The following EEF1E1 variants were observed in gnomAD, a reference collection of about 807,000 sequenced individuals.
The protein encoded by EEF1E1 is eukaryotic translation elongation factor 1 epsilon 1.
In EEF1E1, 19 loss-of-function variants were observed where a neutral mutation model predicts 19.9. The ratio of observed to expected loss-of-function variants is 0.95; its 90% CI spans 0.66 to 1.40. The LOEUF (loss-of-function observed/expected upper bound fraction) is 1.40. EEF1E1 is among the 40% of genes most tolerant of loss of function. The pLI, the probability that EEF1E1 is intolerant of heterozygous loss-of-function variation, is 0.00. For missense variants in EEF1E1, 198 were observed against 202.2 expected (o/e 0.98, Z 0.13); for synonymous variants, 81 against 80.0 (o/e 1.01, Z -0.07).
At chr6:8,098,270 C>T (rs1359817267) in intron 1 of EEF1E1, among the ~76,000 whole-genome samples, 1 of 152,004 alleles carries the variant, frequency 6.6e-6, no homozygotes, top group Non-Finnish European at 1.5e-5. Context: ...CAGGCACGTG[C>T]CACCACACCC....
intron 3 of EEF1E1, among the ~76,000 whole-genome samples, chr6:8,085,728 C>A (rs942050114): frequency 1.3e-5 from 2 of 152,212 alleles, no homozygotes; most frequent in Non-Finnish European, 2.9e-5. Context: ...TTATCATAAG[C>A]TTTCCAAAAC....
chr6:8,079,600 T>G lies in EEF1E1; in HGVS notation c.*290A>C, dbSNP rs767854455. ...ATTGAAATGACCACCAATTTTAAGA[T>G]TAAGCCCGATTTGCAACTTTTATTG... On this transcript the variant is annotated 3_prime_UTR_variant, in exon 4 of 4. Coordinates refer to ENST00000379715, the MANE Select transcript of EEF1E1 (RefSeq NM_004280.5). The G allele has an allele frequency of 2.0e-5, 21 of 1,068,878 alleles. No individual in the cohort carries two copies. The highest frequency in any genetic ancestry group is 2.3e-5 in the Non-Finnish European group (20 of 881,060). 66.2% of individuals were successfully genotyped at this position (1,068,878 alleles called of 1,614,324 possible).
chr6:8,102,130 C>G, intron 1 of EEF1E1: 1 of 1,306,776 alleles, frequency 7.7e-7, no homozygotes, highest in Non-Finnish European at 9.8e-7. Context: ...CCAGGTTGGT[C>G]TAAGAGCCCT....
chr6:8,095,565 GTTT>G (rs34723432), intron 2 of EEF1E1: 15 of 148,652 alleles, frequency 1.0e-4, no homozygotes, highest in South Asian at 8.3e-4. Context: ...GTAGGTGCCT[GTTT>G]TTTTTTTTTT....
At chr6:8,096,150 T>C (rs1758167833) in intron 2 of EEF1E1, among the ~76,000 whole-genome samples, 1 of 152,256 alleles carries the variant, frequency 6.6e-6, no homozygotes, top group Non-Finnish European at 1.5e-5. Flanking sequence ...CATCTATTAA[T>C]ATAACTTTTG....
chr6:8,076,690 A>ATTAGCCC (rs1168951019), downstream of EEF1E1, among the ~76,000 whole-genome samples: 6 of 152,208 alleles, frequency 3.9e-5, no homozygotes, highest in Non-Finnish European at 7.3e-5. Flanking sequence ...TGGGCTGTAG[A>ATTAGCCC]ATGAATGTTG....
intron 2 of EEF1E1, chr6:8,095,459 C>T (rs762276334): frequency 2.7e-5 from 9 of 333,594 alleles, no homozygotes; most frequent in East Asian, 1.2e-4. Flanking sequence ...GCCAAGATTA[C>T]GCCATTGCAT....
chr6:8,095,620 T>C (rs1472840034), intron 2 of EEF1E1: 1 of 153,618 alleles, frequency 6.5e-6, no homozygotes, highest in Non-Finnish European at 1.4e-5. Context: ...AAAAAAGGCA[T>C]AGAAAAAACA....
At position 8,083,332 on chromosome 6, in the gene EEF1E1, C is replaced by T. The variant is rs541823849; in HGVS notation, c.385-3302G>A. 2.5e-4 allele frequency among the ~76,000 whole-genome samples: 38 copies of T among 152,284 alleles called. No individual in the cohort carries two copies. In the South Asian group the frequency reaches 7.5e-3, roughly 30 times the overall value. The stretch of plus-strand genomic sequence containing the variant: ...TTTTGCAGTTAATTCTTTTATTTTT[C>T]CTTTCCTTATAAAAGAACCACATGC... On this transcript the variant is annotated intron_variant, in intron 3 of 3. Transcript: ENST00000379715.
intron 1 of EEF1E1, chr6:8,101,766 T>C (rs1381257952): frequency 1.6e-6 from 2 of 1,289,280 alleles, no homozygotes; most frequent in African/African-American, 3.0e-5. Flanking sequence ...ATCTCATACC[T>C]TGTGATGTTT....
chr6:8,078,671 C>A (rs1757655257), downstream of EEF1E1: 5 of 1,280,314 alleles, frequency 3.9e-6, no homozygotes, highest in African/African-American at 6.1e-5. Flanking sequence ...CTGACTCAGT[C>A]ACTTCAGAGA....
At chr6:8,093,482 C>A (rs1045450998) in intron 2 of EEF1E1, among the ~76,000 whole-genome samples, 1 of 151,902 alleles carries the variant, frequency 6.6e-6, no homozygotes, top group Non-Finnish European at 1.5e-5. Context: ...CAACTATATA[C>A]CCTCCATCTA....
chr6:8,083,231 G>A (rs1399908937), intron 3 of EEF1E1, among the ~76,000 whole-genome samples: 2 of 152,186 alleles, frequency 1.3e-5, no homozygotes, highest in African/African-American at 4.8e-5. Flanking sequence ...AGGGTGACAC[G>A]CTGCTTTGCT....
At chr6:8,076,474 C>T (rs990361465), downstream of EEF1E1, among the ~76,000 whole-genome samples, 2 of 151,982 alleles carry the variant, frequency 1.3e-5, no homozygotes, top group African/African-American at 2.4e-5. Context: ...CAGGCGCCCA[C>T]CACCACGCCC....
At chr6:8,088,698 C>T (rs759201728) in intron 3 of EEF1E1, among the ~76,000 whole-genome samples, 1 of 152,048 alleles carries the variant, frequency 6.6e-6, no homozygotes, top group Non-Finnish European at 1.5e-5. Context: ...TTATCAGCAG[C>T]GTGAAAATGG....
At chr6:8,091,025 A>G (rs2113653832) in intron 2 of EEF1E1, among the ~76,000 whole-genome samples, 1 of 152,318 alleles carries the variant, frequency 6.6e-6, no homozygotes, top group Non-Finnish European at 1.5e-5. Context: ...CATGCTTTGA[A>G]TTCTTTTGGG....
chr6:8,076,329 A>C (rs1045160809), downstream of EEF1E1, among the ~76,000 whole-genome samples: 1 of 151,720 alleles, frequency 6.6e-6, no homozygotes, highest in Non-Finnish European at 1.5e-5. Flanking sequence ...TCTCTGTCTC[A>C]ATTTCTTTCT....
Position 8,080,017 on chromosome 6 carries a change from A to G in EEF1E1, c.398T>C (p.Val133Ala). The G allele has an allele frequency of 6.2e-7, 1 of 1,613,450 alleles. No individual in the cohort carries two copies. Among genetic ancestry groups the G allele is most frequent in the Non-Finnish European group, 8.5e-7 (1 of 1,179,878 alleles). The change falls in exon 4 of 4, where the codon GTT becomes GCT. Residue 133 changes from valine to alanine, a missense_variant. Coordinates refer to ENST00000379715, the MANE Select transcript of EEF1E1 (RefSeq NM_004280.5). ...GLHRFIVDLT[V>A]QEKEKYLNVS... ...ATTAAGATATTTCTCCTTTTCTTGA[A>G]CTGTCAGGTCAACCTAAGTAGAGAT...
downstream of EEF1E1, chr6:8,078,754 AGG>A: frequency 7.8e-7 from 1 of 1,284,150 alleles, no homozygotes. Flanking sequence ...GAGAAGAGAA[AGG>A]AAACTAACCT....
Sources: allele counts gnomAD v4.1 joint callset (sites outside exome capture counted in the v4.1 genomes callset), GRCh38; gene constraint gnomAD v4.1.1; transcripts MANE v1.5; gene names NCBI Gene and HGNC (gene_info 2026-07-23, HGNC 2026-07-21).